IFT81: variants seen among roughly 807,000 people sequenced by gnomAD.
IFT81 encodes intraflagellar transport protein 81 homolog.
A neutral mutation model predicts 102.6 loss-of-function variants in IFT81; 72 were observed. That is an observed-to-expected ratio of 0.70 (90% CI 0.58 to 0.85). The LOEUF (loss-of-function observed/expected upper bound fraction) is 0.85, where lower values mean the gene tolerates loss of function less well. IFT81 is among the 40% of genes least tolerant of loss of function. The probability of loss-of-function intolerance (pLI) is 0.00; values close to 1 mark genes in which losing one functional copy is unlikely to be tolerated. For missense variants in IFT81, 723 were observed against 787.3 expected, an observed-to-expected ratio of 0.92 and a Z score of 0.98; for synonymous variants, 237 against 242.7, an observed-to-expected ratio of 0.98 and a Z score of 0.22.
intron 10 of IFT81, among the ~76,000 whole-genome samples, chr12:110,160,942 A>G (rs1394748285): frequency 2.0e-5 from 3 of 152,174 alleles, no homozygotes; most frequent in Admixed American, 6.5e-5. Flanking sequence ...CAGTAATTAA[A>G]CTATAGTAAA....
chr12:110,198,975 A>G (rs1389596063), intron 14 of IFT81, among the ~76,000 whole-genome samples: 1 of 151,560 alleles, frequency 6.6e-6, no homozygotes, highest in African/African-American at 2.4e-5. Context: ...CGCCTGGCTA[A>G]TTTTTGTATT....
At chr12:110,166,473 T>C (rs1277044401) in intron 11 of IFT81, among the ~76,000 whole-genome samples, 2 of 152,082 alleles carry the variant, frequency 1.3e-5, no homozygotes, top group South Asian at 2.1e-4. Context: ...AACAGCAACA[T>C]GAATGTACTT....
At chr12:110,187,127 CAT>C (rs752364504) in intron 12 of IFT81, among the ~76,000 whole-genome samples, 1 of 152,006 alleles carries the variant, frequency 6.6e-6, no homozygotes, top group Non-Finnish European at 1.5e-5. Flanking sequence ...TTAGAATTTC[CAT>C]ATGATTCAAT....
In IFT81 at chr12:110,127,346, T is replaced by G. The variant is rs754552542; in HGVS notation, c.-21-14T>G. The G allele has an allele frequency of 4.1e-6, 6 of 1,456,228 alleles. No individual in the cohort carries two copies. The South Asian group carries it at 8.9e-5, about 21-fold the overall frequency. The allele number at this position is 1,456,228 out of a possible 1,614,324, so 90.2% of individuals were successfully genotyped here. A position where few individuals can be genotyped will look rare whatever the true frequency, so the allele number is the denominator to read the frequency against. On this transcript the variant is annotated splice_polypyrimidine_tract_variant and intron_variant, in intron 1 of 18. Transcript: ENST00000242591. Reference sequence around the variant, plus strand: ...CCAGTATTAAGGATTTTTTTTTCTATTTTTACTCTTTAGTTAAAATTATAA... The same window carrying G: ...CCAGTATTAAGGATTTTTTTTTCTAGTTTTACTCTTTAGTTAAAATTATAA...
chr12:110,140,506 A>G (rs558844413), intron 8 of IFT81, among the ~76,000 whole-genome samples: 97 of 152,222 alleles, frequency 6.4e-4, no homozygotes, highest in South Asian at 2.3e-3. Flanking sequence ...ACTTTTTTTT[A>G]AATAGAGAAA....
Position 110,129,014 on chromosome 12 carries a change from C to T in IFT81, c.313C>T (p.Leu105Phe), listed in dbSNP as rs1374087029. The change falls in exon 4 of 19, where the codon CTT (leucine) becomes TTT (phenylalanine). Residue 105 changes from leucine (L) to phenylalanine (F), a missense_variant. Leu to Phe is a conservative substitution (Grantham distance 22). Transcript: ENST00000242591. ...TGTAATTTACCCAGTGCTCCACTGG[C>T]TTCTTCAGAGGACTAATGAACTGAA... ...KPVIYPVLHW[L>F]LQRTNELKKR... The T allele has an allele frequency of 7.4e-6, 12 of 1,611,546 alleles. No individual in the cohort carries two copies. The highest frequency in any genetic ancestry group is 1.0e-5 in the Non-Finnish European group (12 of 1,178,718).
chr12:110,186,253 G>GTTTGT (rs951635073), intron 12 of IFT81, among the ~76,000 whole-genome samples: 7 of 151,750 alleles, frequency 4.6e-5, no homozygotes, highest in African/African-American at 1.7e-4. Flanking sequence ...TTGTTTGTTT[G>GTTTGT]TTTGTTTGTT....
intron 10 of IFT81, among the ~76,000 whole-genome samples, chr12:110,161,571 G>A (rs573766984): frequency 2.0e-5 from 3 of 152,086 alleles, no homozygotes; most frequent in African/African-American, 7.2e-5. Context: ...AGCCTGCCAA[G>A]TAGCTGGGAC....
chr12:110,156,846 G>A (rs1895867710), intron 10 of IFT81, among the ~76,000 whole-genome samples: 1 of 152,070 alleles, frequency 6.6e-6, no homozygotes, highest in Non-Finnish European at 1.5e-5. Flanking sequence ...ATTCTTGGTT[G>A]ACAATTCTTT....
chr12:110,125,178 C>T (rs930514444), intron 1 of IFT81, among the ~76,000 whole-genome samples: 4 of 151,986 alleles, frequency 2.6e-5, no homozygotes, highest in Non-Finnish European at 4.4e-5. Context: ...ATGACGTGGA[C>T]TTTTACTTAA....
intron 14 of IFT81, among the ~76,000 whole-genome samples, chr12:110,194,457 A>T (rs1424533806): frequency 6.6e-6 from 1 of 151,910 alleles, no homozygotes; most frequent in African/African-American, 2.4e-5. Flanking sequence ...TAATTTTTTT[A>T]AGTAGAGATG....
chr12:110,166,504 T>C (rs890440434), intron 11 of IFT81, among the ~76,000 whole-genome samples: 8 of 152,070 alleles, frequency 5.3e-5, no homozygotes, highest in African/African-American at 1.9e-4. Flanking sequence ...AACTGTATAC[T>C]TAAAAATGGT....
chr12:110,128,841 T>C, intron 3 of IFT81, 109 bp from the exon 4 acceptor site: 1 of 757,376 alleles, frequency 1.3e-6, no homozygotes, highest in Admixed American at 3.0e-5. Flanking sequence ...TTTAAAAAGT[T>C]ACAGAAAGCA....
chr12:110,193,430 G>A (rs1897878753), intron 14 of IFT81, among the ~76,000 whole-genome samples: 1 of 152,114 alleles, frequency 6.6e-6, no homozygotes, highest in Admixed American at 6.6e-5. Flanking sequence ...TGCACTGCTA[G>A]GAGGCACGGT....
intron 10 of IFT81, among the ~76,000 whole-genome samples, chr12:110,152,507 A>G (rs1895596801): frequency 6.6e-6 from 1 of 151,582 alleles, no homozygotes; most frequent in African/African-American, 2.4e-5. Flanking sequence ...TGTTTTTTTG[A>G]TATTGAGTTG....
At chr12:110,138,778 A>G (rs1379342252) in intron 8 of IFT81, among the ~76,000 whole-genome samples, 1 of 152,240 alleles carries the variant, frequency 6.6e-6, no homozygotes, top group East Asian at 1.9e-4. Flanking sequence ...GATTTATTAC[A>G]TAAAAGAAGA....
intron 11 of IFT81, 57 bp from the exon 12 acceptor site, chr12:110,180,365 T>C: frequency 1.8e-6 from 2 of 1,107,996 alleles, no homozygotes; most frequent in African/African-American, 1.5e-5. Context: ...TACAGATGTA[T>C]GATATTTAGC....
At chr12:110,132,504 G>T in intron 4 of IFT81, 43 bp from the exon 5 acceptor site, 1 of 823,268 alleles carries the variant, frequency 1.2e-6, no homozygotes, top group Non-Finnish European at 2.0e-6. Context: ...AAACTCTACT[G>T]GATCTAGTTA....
intron 4 of IFT81, among the ~76,000 whole-genome samples, chr12:110,131,288 C>CA (rs746749124): frequency 1.6e-3 from 239 of 150,214 alleles, no homozygotes; most frequent in African/African-American, 4.6e-3. Context: ...GTCTCAAAAA[C>CA]AACAAAAAAA....
Sources: gnomAD v4.1 joint callset for allele counts (sites outside exome capture counted in the v4.1 genomes callset) on GRCh38, gnomAD v4.1.1 for gene constraint, MANE v1.5 for transcripts, NCBI Gene and HGNC (gene_info 2026-07-23, HGNC 2026-07-21) for gene names.